RNLS: variants seen among roughly 807,000 people sequenced by gnomAD.
RNLS encodes the protein renalase, FAD dependent amine oxidase, also known as renalase.
In RNLS, 39 loss-of-function variants were observed where a neutral mutation model predicts 39.8. The ratio of observed to expected loss-of-function variants is 0.98; its 90% CI spans 0.76 to 1.28. RNLS has a LOEUF of 1.28. RNLS is among the 50% of genes most tolerant of loss of function. The pLI, the probability that RNLS is intolerant of heterozygous loss-of-function variation, is 0.00. For missense variants in RNLS, 410 were observed against 413.3 expected (o/e 0.99, Z 0.07); for synonymous variants, 147 against 150.7 (o/e 0.98, Z 0.18).
chr10:88,326,627 T>C (rs1023275851), intron 5 of RNLS, among the ~76,000 whole-genome samples: 1 of 152,174 alleles, frequency 6.6e-6, no homozygotes, highest in Non-Finnish European at 1.5e-5. Flanking sequence ...AGCATAAAAG[T>C]GGAAAATTTG....
At chr10:88,385,217 A>G (rs1474825342) in intron 4 of RNLS, among the ~76,000 whole-genome samples, 1 of 152,246 alleles carries the variant, frequency 6.6e-6, no homozygotes, top group Non-Finnish European at 1.5e-5. Flanking sequence ...AAAAGCCCAA[A>G]CAAATAAAAA....
intron 4 of RNLS, among the ~76,000 whole-genome samples, chr10:88,409,340 C>T (rs548192025): frequency 6.6e-6 from 1 of 152,228 alleles, no homozygotes; most frequent in East Asian, 1.9e-4. Flanking sequence ...TGCATTTCTC[C>T]ACCTTGTGCT....
chr10:88,569,183 G>C, intron 4 of RNLS, among the ~76,000 whole-genome samples: 1 of 152,082 alleles, frequency 6.6e-6, no homozygotes, highest in East Asian at 1.9e-4. Context: ...AGAAACTTTT[G>C]TTTTAACCTT....
intron 4 of RNLS, among the ~76,000 whole-genome samples, chr10:88,370,358 A>G (rs1241831681): frequency 6.6e-6 from 1 of 152,188 alleles, no homozygotes; most frequent in Non-Finnish European, 1.5e-5. Context: ...TACCAATATT[A>G]TAGTTATTGT....
intron 5 of RNLS, among the ~76,000 whole-genome samples, chr10:88,334,617 C>T (rs768641613): frequency 2.6e-5 from 4 of 152,184 alleles, no homozygotes; most frequent in Non-Finnish European, 2.9e-5. Context: ...TCCACACTTA[C>T]AGTATTTATC....
At chr10:88,412,359 C>T (rs539641310) in intron 4 of RNLS, among the ~76,000 whole-genome samples, 1 of 151,978 alleles carries the variant, frequency 6.6e-6, no homozygotes, top group Non-Finnish European at 1.5e-5. Flanking sequence ...ATACAAGCAC[C>T]TAGTTTTATG....
At chr10:88,427,071 T>C (rs1382944853) in intron 4 of RNLS, among the ~76,000 whole-genome samples, 2 of 152,026 alleles carry the variant, frequency 1.3e-5, no homozygotes, top group African/African-American at 4.8e-5. Context: ...ACAGGTACCA[T>C]TATTACCACC....
chr10:88,217,561 A>G, the RNLS span, among the ~76,000 whole-genome samples: 1 of 152,074 alleles, frequency 6.6e-6, no homozygotes, highest in African/African-American at 2.4e-5. Flanking sequence ...AATAGAATAA[A>G]TTACAGGTTA....
downstream of RNLS, among the ~76,000 whole-genome samples, chr10:88,279,918 G>T (rs1842948915): frequency 6.6e-6 from 1 of 152,128 alleles, no homozygotes; most frequent in Non-Finnish European, 1.5e-5. Flanking sequence ...AGGAGACACT[G>T]ACTGCTATTC....
chr10:88,220,902 A>T, the RNLS span, among the ~76,000 whole-genome samples: 1 of 152,194 alleles, frequency 6.6e-6, no homozygotes. Flanking sequence ...AGACCCAGAG[A>T]GGTTGCAAGG....
the RNLS span, among the ~76,000 whole-genome samples, chr10:88,255,957 C>G: frequency 6.6e-6 from 1 of 152,168 alleles, no homozygotes; most frequent in Non-Finnish European, 1.5e-5. Flanking sequence ...TCAAGAATTA[C>G]GCAGAACTCA....
the RNLS span, among the ~76,000 whole-genome samples, chr10:88,259,993 G>A: frequency 1.8e-4 from 27 of 152,232 alleles, no homozygotes; most frequent in Admixed American, 1.3e-4. Flanking sequence ...GCCCGCCTCG[G>A]CCTCCCAAAG....
intron 4 of RNLS, among the ~76,000 whole-genome samples, chr10:88,445,320 A>G (rs1841969019): frequency 6.6e-6 from 1 of 152,272 alleles, no homozygotes; most frequent in African/African-American, 2.4e-5. Flanking sequence ...TGAAGGAAGC[A>G]CTAAACATGG....
At chr10:88,399,350 T>C (rs571741526) in intron 4 of RNLS, among the ~76,000 whole-genome samples, 13 of 152,170 alleles carry the variant, frequency 8.5e-5, no homozygotes, top group African/African-American at 2.9e-4. Context: ...TTTATAGCAA[T>C]AATATTTATA....
At chr10:88,513,013 C>T (rs2134162649) in intron 4 of RNLS, among the ~76,000 whole-genome samples, 1 of 152,168 alleles carries the variant, frequency 6.6e-6, no homozygotes, top group South Asian at 2.1e-4. Flanking sequence ...AAGTATCTGG[C>T]CCAATAAGTA....
intron 6 of RNLS, among the ~76,000 whole-genome samples, chr10:88,300,223 G>A (rs540050233): frequency 3.7e-4 from 57 of 152,290 alleles, no homozygotes; most frequent in African/African-American, 1.3e-3. Flanking sequence ...GGTGGTTGGA[G>A]TATAAAGTGA....
chr10:88,370,845 C>T (rs552742465), intron 4 of RNLS, among the ~76,000 whole-genome samples: 1 of 152,248 alleles, frequency 6.6e-6, no homozygotes, highest in Admixed American at 6.5e-5. Flanking sequence ...AGCACGGAAT[C>T]AGTCTTGTTT....
chr10:88,295,844 T>C (rs1297653174), intron 6 of RNLS, among the ~76,000 whole-genome samples: 1 of 152,204 alleles, frequency 6.6e-6, no homozygotes, highest in Non-Finnish European at 1.5e-5. Context: ...ATTGACTCTA[T>C]TTAGATCTAT....
intron 3 of RNLS, 107 bp from the exon 4 acceptor site, chr10:88,573,168 G>C: frequency 1.9e-6 from 2 of 1,034,644 alleles, no homozygotes; most frequent in Non-Finnish European, 2.8e-6. Context: ...AAATGGCCAA[G>C]ACTGTCTTCT....
Sources: allele counts gnomAD v4.1 joint callset (sites outside exome capture counted in the v4.1 genomes callset), GRCh38; gene constraint gnomAD v4.1.1; transcripts MANE v1.5; gene names NCBI Gene and HGNC (gene_info 2026-07-23, HGNC 2026-07-21).